USP32: variants seen among roughly 807,000 people sequenced by gnomAD.
USP32 encodes ubiquitin carboxyl-terminal hydrolase 32.
USP32 carries 59 observed loss-of-function variants against 204.8 expected under a neutral mutation model. The ratio of observed to expected loss-of-function variants is 0.29; its 90% CI spans 0.23 to 0.36. The LOEUF (loss-of-function observed/expected upper bound fraction) is 0.36, where lower values mean the gene tolerates loss of function less well. Ranked by LOEUF, USP32 falls within the 10% of genes least tolerant of loss-of-function variation. The pLI is 1.00. For synonymous variants in USP32, 517 were observed against 678.4 expected, an observed-to-expected ratio of 0.76 and a Z score of 3.70; for missense variants, 1,160 against 1,946.4, an observed-to-expected ratio of 0.60 and a Z score of 7.60.
chr17:60,350,341 T>G (rs2088920488), intron 1 of USP32, among the ~76,000 whole-genome samples: 1 of 152,044 alleles, frequency 6.6e-6, no homozygotes, highest in South Asian at 2.1e-4. Flanking sequence ...CAGGCTGGAG[T>G]GCAGTGGCAT....
chr17:60,185,487 C>T lies in USP32; in HGVS notation c.3807G>A (p.Leu1269=). Residue 1269 remains leucine (L), a synonymous_variant, in exon 30 of 34, where the codon CTG becomes CTA. Coordinates refer to ENST00000300896, the MANE Select transcript of USP32 (RefSeq NM_032582.4). ...CKTHCLATKK[L]DLWRLPPILI... is the part of the protein sequence containing the mutation. ...GGATGGGTGGAAGCCTCCAGAGATCCAGCTTCTTTGTTGCTAAGCAGTGGG... is the reference window on the plus strand; with the variant it reads ...GGATGGGTGGAAGCCTCCAGAGATCTAGCTTCTTTGTTGCTAAGCAGTGGG... 7 of 1,609,900 alleles carry T rather than the reference C, an allele frequency of 4.3e-6. No homozygotes were observed. Among genetic ancestry groups the T allele is most frequent in the Non-Finnish European group, 5.1e-6 (6 of 1,178,116 alleles).
chr17:60,349,440 C>T lies in USP32; in HGVS notation c.59-3832G>A, dbSNP rs572742778. On this transcript the variant is annotated intron_variant, in intron 1 of 33. Coordinates refer to ENST00000300896, the MANE Select transcript of USP32 (RefSeq NM_032582.4). ...ACTAAAAATACAAAAATTAGCCAGC[C>T]GTGGCGGTGGGTGCCTGTAATCCCA... Among the ~76,000 whole-genome samples the T allele has an allele frequency of 9.4e-5, 14 of 148,920 alleles. No homozygotes were observed. The South Asian group carries it at 2.1e-3, about 22-fold the overall frequency.
chr17:60,383,674 T>C (rs544055837), intron 1 of USP32, among the ~76,000 whole-genome samples: 1 of 152,172 alleles, frequency 6.6e-6, no homozygotes, highest in South Asian at 2.1e-4. Flanking sequence ...TAAAAATTCA[T>C]AAATAGTCTT....
chr17:60,204,784 T>C (rs1242927505), intron 26 of USP32, among the ~76,000 whole-genome samples: 1 of 150,738 alleles, frequency 6.6e-6, no homozygotes, highest in East Asian at 2.0e-4. Context: ...CTTTCTTTCT[T>C]TCTTTTCTTT....
intron 15 of USP32, among the ~76,000 whole-genome samples, chr17:60,221,162 G>A (rs1165530217): frequency 6.6e-6 from 1 of 152,062 alleles, no homozygotes; most frequent in East Asian, 1.9e-4. Flanking sequence ...GGGAGGCCAA[G>A]GCAGAAGGGC....
At chr17:60,365,953 G>C (rs973296309) in intron 1 of USP32, among the ~76,000 whole-genome samples, 1 of 152,126 alleles carries the variant, frequency 6.6e-6, no homozygotes, top group African/African-American at 2.4e-5. Context: ...GGTTTAGAGA[G>C]AGGGTCTCGC....
At chr17:60,285,097 C>T (rs2145837957) in intron 5 of USP32, among the ~76,000 whole-genome samples, 1 of 152,272 alleles carries the variant, frequency 6.6e-6, no homozygotes, top group East Asian at 1.9e-4. Context: ...TTTAACACAA[C>T]AAGGCATTTA....
chr17:60,218,585 T>C (rs1233985004), intron 16 of USP32, among the ~76,000 whole-genome samples: 1 of 151,864 alleles, frequency 6.6e-6, no homozygotes, highest in Non-Finnish European at 1.5e-5. Flanking sequence ...TGAGAATTTG[T>C]GTAAATGGTT....
intron 1 of USP32, among the ~76,000 whole-genome samples, chr17:60,357,087 C>CA (rs926411767): frequency 3.9e-5 from 6 of 151,912 alleles, no homozygotes; most frequent in African/African-American, 7.3e-5. Flanking sequence ...GACCTTATCT[C>CA]AAAAAAACAA....
At chr17:60,406,967 T>C (rs2089980830) in intron 1 of USP32, among the ~76,000 whole-genome samples, 1 of 152,184 alleles carries the variant, frequency 6.6e-6, no homozygotes, top group Non-Finnish European at 1.5e-5. Context: ...CCTTCTGCCA[T>C]ACACACCTAG....
At position 60,209,499 on chromosome 17, in the gene USP32, T is replaced by G. The variant is rs374471773; in HGVS notation, c.2469A>C (p.Gln823His). The G allele has an allele frequency of 6.2e-7, 1 of 1,603,290 alleles. No individual in the cohort carries two copies. Among genetic ancestry groups the G allele is most frequent in the Non-Finnish European group, 8.5e-7 (1 of 1,176,632 alleles). Residue 823 changes from glutamine to histidine, a missense_variant, in exon 22 of 34, where the codon CAA (glutamine) becomes CAC (histidine). Transcript: ENST00000300896. ...AAGCCAGAAGTTCTTGGGAGTCCTGTTGCTGAAACCCATTAAACCTGGGAG... is the reference window on the plus strand; with the variant it reads ...AAGCCAGAAGTTCTTGGGAGTCCTGGTGCTGAAACCCATTAAACCTGGGAG... ...KYAPRFNGFQ[Q>H]QDSQELLAFL... is the part of the protein sequence containing the mutation.
At chr17:60,235,809 A>G (rs1351963391) in intron 12 of USP32, among the ~76,000 whole-genome samples, 1 of 152,222 alleles carries the variant, frequency 6.6e-6, no homozygotes, top group Non-Finnish European at 1.5e-5. Context: ...GGTTCCCCAC[A>G]GGTAAAATGG....
chr17:60,247,189 T>G (rs1244920116), intron 11 of USP32, among the ~76,000 whole-genome samples: 3 of 148,856 alleles, frequency 2.0e-5, no homozygotes, highest in African/African-American at 2.5e-5. Flanking sequence ...TTTCTTTTCT[T>G]TTTTTTTTGA....
intron 2 of USP32, chr17:60,315,833 T>C (rs2087962775): frequency 6.5e-6 from 1 of 153,440 alleles, no homozygotes; most frequent in African/African-American, 2.4e-5. Context: ...CTCTATAGCA[T>C]GGCCTGTACA....
chr17:60,226,625 A>AAC (rs1354996302), intron 12 of USP32, among the ~76,000 whole-genome samples: 6 of 152,236 alleles, frequency 3.9e-5, no homozygotes, highest in African/African-American at 1.4e-4. Flanking sequence ...AAATATAGAA[A>AAC]ACATGAAGAA....
chr17:60,214,988 AG>A (rs2085065524), intron 16 of USP32, among the ~76,000 whole-genome samples: 1 of 148,904 alleles, frequency 6.7e-6, no homozygotes, highest in Non-Finnish European at 1.5e-5. Context: ...TGTTTTTAAT[AG>A]ATGGAGTCTT....
chr17:60,422,295 C>T lies in USP32; in HGVS notation c.57G>A (p.Trp19Ter), dbSNP rs1567905176. The T allele has an allele frequency of 2.1e-6, 1 of 483,992 alleles. No homozygotes were observed. Among genetic ancestry groups the T allele is most frequent in the Non-Finnish European group, 3.5e-6 (1 of 288,318 alleles). The allele number at this position is 483,992 out of a possible 1,614,324, so 30.0% of individuals were successfully genotyped here. Residue 19 changes from tryptophan (W) to a stop codon, truncating the protein, a stop_gained, in exon 1 of 4, where the codon TGG (tryptophan) becomes TGA (stop). Transcript: ENST00000588898. LOFTEE classifies it high-confidence loss of function. The stretch of plus-strand genomic sequence containing the variant: ...GACAGTATTCTTGGGAGAAGGGGCG[C>T]CAGCCTCTCCTGGCCTGCTGTGCGC...
chr17:60,213,710 A>G (rs778282240), intron 17 of USP32, 48 bp from the exon 18 acceptor site: 4 of 1,380,110 alleles, frequency 2.9e-6, no homozygotes, highest in Admixed American at 2.6e-5. Context: ...AGTAAACTTG[A>G]AACAAATACA....
chr17:60,313,513 A>T (rs910309289), intron 2 of USP32, among the ~76,000 whole-genome samples: 3 of 152,098 alleles, frequency 2.0e-5, no homozygotes, highest in African/African-American at 7.2e-5. Flanking sequence ...TTCTGAATAA[A>T]TAACAACATA....
Sources: gnomAD v4.1 joint callset for allele counts (sites outside exome capture counted in the v4.1 genomes callset) on GRCh38, gnomAD v4.1.1 for gene constraint, MANE v1.5 for transcripts, NCBI Gene and HGNC (gene_info 2026-07-23, HGNC 2026-07-21) for gene names.